Variants in NRG1 observed in about 807,000 individuals in gnomAD.
The protein encoded by NRG1 is pro-neuregulin-1, membrane-bound isoform.
In NRG1, 18 loss-of-function variants were observed where a neutral mutation model predicts 63.8. The ratio of observed to expected loss-of-function variants is 0.28; its 90% confidence interval spans 0.19 to 0.42. The LOEUF (loss-of-function observed/expected upper bound fraction) is 0.42, where lower values mean the gene tolerates loss of function less well. NRG1 is among the 10% of genes least tolerant of loss of function. NRG1 has a pLI of 1.00. For missense variants in NRG1, 762 were observed against 814.7 expected (o/e 0.94, Z 0.79); for synonymous variants, 302 against 301.3 (o/e 1.00, Z -0.02).
intron 1 of NRG1, among the ~76,000 whole-genome samples, chr8:31,994,459 C>T (rs1418849659): frequency 6.6e-6 from 1 of 151,506 alleles, no homozygotes; most frequent in African/African-American, 2.4e-5. Context: ...TCAAGACCAG[C>T]CTGGGTAACA....
intron 1 of NRG1, among the ~76,000 whole-genome samples, chr8:31,715,965 A>T (rs1397291333): frequency 6.6e-6 from 1 of 152,150 alleles, no homozygotes; most frequent in Admixed American, 6.5e-5. Context: ...AGTGCTTTTA[A>T]TTTTTTAAGA....
intron 3 of NRG1, among the ~76,000 whole-genome samples, chr8:32,613,794 C>A (rs145973581): frequency 6.6e-6 from 1 of 151,894 alleles, no homozygotes; most frequent in Non-Finnish European, 1.5e-5. Context: ...AAACTGAAGC[C>A]CTTTTCAGAA....
chr8:32,327,422 G>T (rs1457474145), intron 1 of NRG1, among the ~76,000 whole-genome samples: 2 of 152,196 alleles, frequency 1.3e-5, no homozygotes, highest in Non-Finnish European at 2.9e-5. Flanking sequence ...GCCATGGAAA[G>T]TTATAGTCTC....
intron 1 of NRG1, among the ~76,000 whole-genome samples, chr8:32,520,439 A>T (rs1164250585): frequency 6.6e-6 from 1 of 151,968 alleles, no homozygotes; most frequent in Non-Finnish European, 1.5e-5. Flanking sequence ...GATTACAGGC[A>T]TGAGCCACTG....
At chr8:31,851,593 C>G (rs981913188) in intron 1 of NRG1, among the ~76,000 whole-genome samples, 1 of 151,702 alleles carries the variant, frequency 6.6e-6, no homozygotes, top group Non-Finnish European at 1.5e-5. Flanking sequence ...GGAATACATT[C>G]TTATTTTTAA....
intron 2 of NRG1, among the ~76,000 whole-genome samples, chr8:32,598,432 G>A (rs147585082): frequency 0.015 from 2,237 of 152,130 alleles, 31 homozygotes; most frequent in Non-Finnish European, 0.02. Flanking sequence ...TACTTAAAGA[G>A]GTAATTTGTT....
intron 1 of NRG1, among the ~76,000 whole-genome samples, chr8:32,218,223 T>G (rs1262568322): frequency 6.6e-6 from 1 of 152,206 alleles, no homozygotes; most frequent in African/African-American, 2.4e-5. Context: ...GTAAACAGAT[T>G]GTAGCCTACT....
intron 1 of NRG1, among the ~76,000 whole-genome samples, chr8:32,051,393 G>A (rs1586748380): frequency 6.6e-6 from 1 of 152,098 alleles, no homozygotes; most frequent in African/African-American, 2.4e-5. Flanking sequence ...TTTGTTACAT[G>A]CATAGAATGT....
At chr8:31,871,074 T>A (rs926202341) in intron 1 of NRG1, among the ~76,000 whole-genome samples, 7 of 151,906 alleles carry the variant, frequency 4.6e-5, no homozygotes, top group Non-Finnish European at 8.8e-5. Flanking sequence ...CCTCCTGGGT[T>A]CAAGTGAGTC....
At chr8:32,075,400 G>A (rs1049293466) in intron 1 of NRG1, among the ~76,000 whole-genome samples, 9 of 151,954 alleles carry the variant, frequency 5.9e-5, no homozygotes, top group Non-Finnish European at 8.8e-5. Flanking sequence ...TAAACAAAAC[G>A]TTTTTTAGAA....
At chr8:32,041,463 C>T (rs1820025810) in intron 1 of NRG1, among the ~76,000 whole-genome samples, 1 of 152,114 alleles carries the variant, frequency 6.6e-6, no homozygotes, top group South Asian at 2.1e-4. Context: ...TGAGAAAGAC[C>T]AGACCTGAAA....
intron 1 of NRG1, among the ~76,000 whole-genome samples, chr8:31,909,488 A>T (rs1325289094): frequency 6.6e-6 from 1 of 152,174 alleles, no homozygotes; most frequent in Non-Finnish European, 1.5e-5. Flanking sequence ...CCTTGAAAAT[A>T]AGATGACTTT....
At chr8:31,764,066 G>A (rs1817821302) in intron 1 of NRG1, among the ~76,000 whole-genome samples, 1 of 151,914 alleles carries the variant, frequency 6.6e-6, no homozygotes, top group Non-Finnish European at 1.5e-5. Flanking sequence ...ATAAAGGATG[G>A]AGATAGGATG....
chr8:32,184,900 G>T (rs1313611761), intron 1 of NRG1, among the ~76,000 whole-genome samples: 1 of 152,158 alleles, frequency 6.6e-6, no homozygotes, highest in Non-Finnish European at 1.5e-5. Flanking sequence ...GAAGTCTTTA[G>T]AAGTTGTTTT....
chr8:32,081,443 A>G (rs1254289895), intron 1 of NRG1, among the ~76,000 whole-genome samples: 1 of 152,122 alleles, frequency 6.6e-6, no homozygotes, highest in East Asian at 1.9e-4. Context: ...TAAGGAGAGA[A>G]TAGAATGAGA....
chr8:32,468,131 G>C (rs10112682), intron 1 of NRG1, among the ~76,000 whole-genome samples: 110,688 of 152,074 alleles, frequency 0.73, 40,654 homozygotes, highest in East Asian at 0.89. Context: ...GAGCATGACA[G>C]TTGTGCACAA....
chr8:31,895,749 G>A (rs1041958853), intron 1 of NRG1, among the ~76,000 whole-genome samples: 2 of 152,088 alleles, frequency 1.3e-5, no homozygotes, highest in African/African-American at 4.8e-5. Context: ...CCCTTGGATT[G>A]TTCTTCCTTC....
chr8:32,417,725 G>A (rs547869483), intron 1 of NRG1, among the ~76,000 whole-genome samples: 1 of 151,618 alleles, frequency 6.6e-6, no homozygotes, highest in South Asian at 2.1e-4. Flanking sequence ...GTCACACGGG[G>A]GTGGAGGGGG....
chr8:32,717,401 T>C (rs773780713), intron 5 of NRG1, among the ~76,000 whole-genome samples: 6 of 152,170 alleles, frequency 3.9e-5, no homozygotes, highest in Non-Finnish European at 5.9e-5. Flanking sequence ...CCATAGAATT[T>C]GTACTGGAAA....
Sources: gnomAD v4.1 joint callset for allele counts (sites outside exome capture counted in the v4.1 genomes callset) on GRCh38, gnomAD v4.1.1 for gene constraint, MANE v1.5 for transcripts, NCBI Gene and HGNC (gene_info 2026-07-23, HGNC 2026-07-21) for gene names.